Variants in AZIN2 observed in about 807,000 individuals in gnomAD.
AZIN2 encodes antizyme inhibitor 2, also known as ODC antizyme inhibitor-2.
A neutral mutation model predicts 47.8 loss-of-function variants in AZIN2; 28 were observed. That is an observed-to-expected ratio of 0.59 (90% confidence interval 0.43 to 0.80). AZIN2 has a LOEUF of 0.80. Among genes scored for constraint, AZIN2 ranks in the 30% least tolerant of loss-of-function variants. AZIN2 has a pLI of 0.00. For missense variants in AZIN2, 535 were observed against 582.5 expected, an observed-to-expected ratio of 0.92 and a Z score of 0.84; for synonymous variants, 221 against 239.4, an observed-to-expected ratio of 0.92 and a Z score of 0.71.
At chr1:33,142,466 A>G in the AZIN2 span, 2 of 152,224 alleles carry the variant, frequency 1.3e-5, no homozygotes, top group Admixed American at 6.5e-5. Flanking sequence ...AGACTTACAG[A>G]ATCCTGGACC....
downstream of AZIN2, among the ~76,000 whole-genome samples, chr1:33,123,723 G>C (rs1282541326): frequency 1.3e-5 from 2 of 152,164 alleles, no homozygotes; most frequent in Non-Finnish European, 2.9e-5. Flanking sequence ...AATTGGCAAG[G>C]AGCGGTGGCT....
chr1:33,123,400 T>C lies in AZIN2; in HGVS notation c.*3218T>C, dbSNP rs1027861505. 2.0e-5 allele frequency among the ~76,000 whole-genome samples: 3 copies of C among 152,238 alleles called. No individual in the cohort carries two copies. Among genetic ancestry groups the C allele is most frequent in the Non-Finnish European group, 4.4e-5 (3 of 68,030 alleles). ...TTTTCACTGCTGTGTCCTTATTACC[T>C]AGAACGGAGTAGGTGTTCAAAAAGT... On this transcript the variant is annotated 3_prime_UTR_variant, in exon 12 of 12. Coordinates refer to ENST00000294517, the MANE Select transcript of AZIN2 (RefSeq NM_052998.4).
intron 10 of AZIN2, among the ~76,000 whole-genome samples, chr1:33,116,921 GAA>G (rs1458230262): frequency 6.6e-6 from 1 of 152,186 alleles, no homozygotes; most frequent in Non-Finnish European, 1.5e-5. Context: ...AGTGATGGGA[GAA>G]GAGGCCTCTC....
chr1:33,140,090 AG>A, the AZIN2 span, among the ~76,000 whole-genome samples: 1 of 152,042 alleles, frequency 6.6e-6, no homozygotes, highest in Non-Finnish European at 1.5e-5. The surrounding 1 kb of genome is among the most constrained non-coding windows in gnomAD (Gnocchi z 4.0). Flanking sequence ...AGTGTGGCAG[AG>A]GGGGGTCCCT....
chr1:33,165,274 G>T, the AZIN2 span: 2 of 498,342 alleles, frequency 4.0e-6, no homozygotes, highest in East Asian at 6.8e-5. The surrounding 1 kb of genome is among the most constrained non-coding windows in gnomAD (Gnocchi z 4.0). Context: ...TCATGATGGG[G>T]TGGGTGCCGC....
chr1:33,095,517 C>T (rs1364852047), intron 8 of AZIN2, among the ~76,000 whole-genome samples: 1 of 152,192 alleles, frequency 6.6e-6, no homozygotes, highest in Non-Finnish European at 1.5e-5. Context: ...ATTAAAGACA[C>T]TACTCCAAAA....
intron 5 of AZIN2, among the ~76,000 whole-genome samples, chr1:33,085,080 G>A (rs988496569): frequency 2.6e-5 from 4 of 152,012 alleles, no homozygotes; most frequent in Non-Finnish European, 5.9e-5. Flanking sequence ...AAGCTATAAA[G>A]TTTCAACTAA....
At chr1:33,147,961 G>C in the AZIN2 span, among the ~76,000 whole-genome samples, 1 of 152,206 alleles carries the variant, frequency 6.6e-6, no homozygotes, top group Admixed American at 6.5e-5. This position sits in a 1 kb window ranked among gnomAD's most constrained non-coding sequence, Gnocchi z 8.1. Context: ...GGCTACAGCT[G>C]CTTGTTCACT....
At chr1:33,094,161 T>A (rs1332476503) in intron 7 of AZIN2, among the ~76,000 whole-genome samples, 1 of 152,270 alleles carries the variant, frequency 6.6e-6, no homozygotes. Context: ...AAGTGCTTCA[T>A]GCACATTCTC....
At chr1:33,115,828 C>T (rs1644516217) in intron 10 of AZIN2, among the ~76,000 whole-genome samples, 1 of 152,100 alleles carries the variant, frequency 6.6e-6, no homozygotes, top group Non-Finnish European at 1.5e-5. Context: ...TGAGGGAATG[C>T]TAACTTCTTA....
At chr1:33,125,419 A>T (rs1459097678), downstream of AZIN2, among the ~76,000 whole-genome samples, 1 of 152,144 alleles carries the variant, frequency 6.6e-6, no homozygotes, top group Non-Finnish European at 1.5e-5. Flanking sequence ...ACCTCATCTC[A>T]TGCCACTCTT....
chr1:33,086,619 A>G (rs1641931922), intron 5 of AZIN2, among the ~76,000 whole-genome samples: 1 of 152,218 alleles, frequency 6.6e-6, no homozygotes, highest in Admixed American at 6.5e-5. Context: ...GGCGTAAGCT[A>G]GGGCTGGATG....
At chr1:33,106,148 C>T (rs553062926) in intron 10 of AZIN2, among the ~76,000 whole-genome samples, 6 of 152,152 alleles carry the variant, frequency 3.9e-5, no homozygotes, top group Non-Finnish European at 8.8e-5. Flanking sequence ...TAACTATACA[C>T]CAAGAAATTG....
chr1:33,114,829 G>A (rs971217566), intron 10 of AZIN2, among the ~76,000 whole-genome samples: 29 of 151,804 alleles, frequency 1.9e-4, no homozygotes, highest in African/African-American at 7.0e-4. Flanking sequence ...TTTTAGTAGC[G>A]ACAGGGTTTT....
intron 6 of AZIN2, among the ~76,000 whole-genome samples, chr1:33,092,643 G>T (rs1424175681): frequency 6.6e-6 from 1 of 152,100 alleles, no homozygotes; most frequent in African/African-American, 2.4e-5. Context: ...CATAAATAGT[G>T]AACTGCGTAA....
At chr1:33,091,648 T>C (rs1642563562) in intron 5 of AZIN2, among the ~76,000 whole-genome samples, 1 of 152,242 alleles carries the variant, frequency 6.6e-6, no homozygotes, top group Non-Finnish European at 1.5e-5. Flanking sequence ...AGGGCTACCA[T>C]GAGTCCATAT....
At chr1:33,086,799 T>A (rs2124477252) in intron 5 of AZIN2, among the ~76,000 whole-genome samples, 1 of 152,326 alleles carries the variant, frequency 6.6e-6, no homozygotes, top group African/African-American at 2.4e-5. Flanking sequence ...GGGCAGCACA[T>A]CCTCTTCCAG....
intron 10 of AZIN2, among the ~76,000 whole-genome samples, chr1:33,108,437 G>T (rs1051451481): frequency 6.6e-6 from 1 of 151,452 alleles, no homozygotes; most frequent in Non-Finnish European, 1.5e-5. Context: ...CTGCCTCCTG[G>T]GTTCAAGTGA....
chr1:33,105,439 A>G (rs1230091944), intron 10 of AZIN2, among the ~76,000 whole-genome samples: 2 of 152,202 alleles, frequency 1.3e-5, no homozygotes, highest in Non-Finnish European at 2.9e-5. Context: ...GGGTAATTTA[A>G]AAAGGAAAGA....
Sources: allele counts gnomAD v4.1 joint callset (sites outside exome capture counted in the v4.1 genomes callset), GRCh38; gene constraint gnomAD v4.1.1; non-coding constraint Gnocchi (gnomAD v3.1); transcripts MANE v1.5; gene names NCBI Gene and HGNC (gene_info 2026-07-23, HGNC 2026-07-21).